The following ALG1 variants were observed in gnomAD, a reference collection of about 807,000 sequenced individuals.
The protein encoded by ALG1 is ALG1 chitobiosyldiphosphodolichol beta-mannosyltransferase, also known as chitobiosyldiphosphodolichol beta-mannosyltransferase.
A neutral mutation model predicts 55.1 loss-of-function variants in ALG1; 58 were observed. The ratio of observed to expected loss-of-function variants is 1.05; its 90% confidence interval spans 0.85 to 1.31. ALG1 has a LOEUF of 1.31. Ranked by LOEUF, ALG1 falls within the 50% of genes most tolerant of loss-of-function variation. ALG1 has a pLI of 0.00. For missense variants in ALG1, 761 were observed against 598.6 expected, an observed-to-expected ratio of 1.27 and a Z score of -2.83; for synonymous variants, 309 against 247.0, an observed-to-expected ratio of 1.25 and a Z score of -2.35.
chr16:5,083,548 C>G, intron 11 of ALG1, 134 bp from the exon 12 acceptor site: 1 of 1,534,710 alleles, frequency 6.5e-7, no homozygotes, highest in Non-Finnish European at 8.7e-7. Context: ...AGAACCAGCT[C>G]CCGGAAACCA....
intron 4 of ALG1, 41 bp from the exon 5 acceptor site, chr16:5,077,404 G>T: frequency 6.5e-7 from 1 of 1,533,416 alleles, no homozygotes; most frequent in Non-Finnish European, 9.0e-7. Flanking sequence ...GGTAGCGGAG[G>T]CCTGTCTAGG....
intron 3 of ALG1, 69 bp from the exon 4 acceptor site, chr16:5,075,319 C>G (rs34920124): frequency 2.0e-6 from 3 of 1,531,022 alleles, no homozygotes; most frequent in East Asian, 2.2e-5. Flanking sequence ...TGTGTTGTGA[C>G]TATTTTTACT....
intron 4 of ALG1, among the ~76,000 whole-genome samples, chr16:5,076,956 G>T (rs1272521600): frequency 6.6e-6 from 1 of 151,926 alleles, no homozygotes; most frequent in Non-Finnish European, 1.5e-5. Context: ...CACCACGCCT[G>T]GCTAATTTTT....
intron 4 of ALG1, 89 bp downstream of exon 4, chr16:5,075,625 G>A (rs542701945): frequency 3.0e-5 from 45 of 1,519,316 alleles, no homozygotes; most frequent in East Asian, 4.5e-5. Flanking sequence ...TCCGGAAGTC[G>A]GTTCCTTGTG....
intron 4 of ALG1, among the ~76,000 whole-genome samples, chr16:5,076,479 G>C (rs1956916155): frequency 6.6e-6 from 1 of 152,256 alleles, no homozygotes; most frequent in African/African-American, 2.4e-5. Flanking sequence ...CTGAGGCTGA[G>C]AACGATTATG....
rs749328532 is a variant in ALG1, at chr16:5,078,737, CTTT to C, written c.741-15_741-13del. 1 of 1,612,498 alleles carries C rather than the reference CTTT, an allele frequency of 6.2e-7. No homozygotes were observed. Among genetic ancestry groups the C allele is most frequent in the Non-Finnish European group, 8.5e-7 (1 of 1,179,796 alleles). ...GGCCTGCTCTATGGCCTCTCACAGG[CTTT>C]TTTTCTGCTCCTTCAGCTCAGAACC... On this transcript the variant is annotated splice_polypyrimidine_tract_variant and intron_variant, in intron 6 of 12. Transcript: ENST00000262374.
At position 5,085,659 on chromosome 16, in the gene ALG1, C is replaced by T. The variant is rs751858067; in HGVS notation, c.*778C>T. 2.5e-6 allele frequency: 4 copies of T among 1,611,346 alleles called. No individual in the cohort carries two copies. In the African/African-American group the frequency reaches 5.3e-5, roughly 22 times the overall value. ...ACAGGGTGAGATTCAGCATTGCCATCTCCAAGTGCTCTTCGTAGGGAAACA... is the reference window on the plus strand; with the variant it reads ...ACAGGGTGAGATTCAGCATTGCCATTTCCAAGTGCTCTTCGTAGGGAAACA... On this transcript the variant is annotated 3_prime_UTR_variant, in exon 13 of 13. Transcript: ENST00000262374.
At chr16:5,073,278 C>T (rs768281881) in intron 3 of ALG1, 22 bp downstream of exon 3, 31 of 1,601,412 alleles carry the variant, frequency 1.9e-5, no homozygotes, top group East Asian at 2.2e-5. Context: ...CCTCTGCCTC[C>T]CTCTGTGAGA....
At chr16:5,077,360 T>C (rs537195780) in intron 4 of ALG1, 85 bp from the exon 5 acceptor site, 61 of 1,237,854 alleles carry the variant, frequency 4.9e-5, no homozygotes, top group Admixed American at 3.0e-4. Context: ...CTGCGGCCTT[T>C]TCTCTGTTGA....
chr16:5,077,735 T>G (rs1300618044), intron 5 of ALG1, among the ~76,000 whole-genome samples, 172 bp from the exon 6 acceptor site: 2 of 152,162 alleles, frequency 1.3e-5, no homozygotes, highest in Non-Finnish European at 2.9e-5. Context: ...TCCAGGCAGT[T>G]TTGGTCCTAG....
chr16:5,072,833 G>A, intron 1 of ALG1, 118 bp from the exon 2 acceptor site: 1 of 960,104 alleles, frequency 1.0e-6, no homozygotes. Context: ...GGAGCAGAGA[G>A]AGGTTTTGAA....
chr16:5,079,307 G>T (rs1407018029), intron 8 of ALG1, among the ~76,000 whole-genome samples: 1 of 152,192 alleles, frequency 6.6e-6, no homozygotes, highest in Non-Finnish European at 1.5e-5. Flanking sequence ...CCCCCTCCAG[G>T]AGAGTATCTC....
In ALG1 at chr16:5,072,076, G is replaced by GTCT. The variant is rs397754659; in HGVS notation, c.208+19_208+20insTCT. On this transcript the variant is annotated intron_variant, in intron 1 of 12. Transcript: ENST00000262374. ...TTCTGCAGTGAGTGGCCAAGGGTCT[G>GTCT]GGAGGGACGATGCTCTCTCAGCCGT... The GTCT allele has an allele frequency of 9.6e-6, 15 of 1,558,206 alleles. No individual in the cohort carries two copies. Among genetic ancestry groups the GTCT allele is most frequent in the East Asian group, 2.4e-5 (1 of 41,624 alleles).
At chr16:5,078,435 C>G (rs1956954787) in intron 6 of ALG1, 1 of 610,416 alleles carries the variant, frequency 1.6e-6, no homozygotes, top group Non-Finnish European at 3.0e-6. Context: ...TCTACGCACC[C>G]TGAGGTGTGC....
chr16:5,072,273 A>C, intron 1 of ALG1: 1 of 1,453,354 alleles, frequency 6.9e-7, no homozygotes, highest in South Asian at 1.4e-5. Context: ...TGTTAAGTGA[A>C]TCCATTGCGT....
intron 12 of ALG1, chr16:5,084,524 G>C (rs1422657071): frequency 1.4e-6 from 1 of 717,330 alleles, no homozygotes; most frequent in African/African-American, 1.8e-5. Flanking sequence ...GTGCTCCAGG[G>C]CACCAAGTGT....
intron 3 of ALG1, 87 bp downstream of exon 3, chr16:5,073,343 ATG>A: frequency 2.5e-5 from 30 of 1,208,114 alleles, no homozygotes; most frequent in Non-Finnish European, 3.3e-5. Flanking sequence ...GCATATTCAT[ATG>A]TGTGTGTGTT....
intron 1 of ALG1, 200 bp downstream of exon 1, chr16:5,072,257 G>C (rs1956829526): frequency 7.4e-6 from 11 of 1,485,500 alleles, no homozygotes; most frequent in Non-Finnish European, 6.2e-6. Flanking sequence ...CCACGTGTCA[G>C]AAGTGTGTTA....
intron 1 of ALG1, among the ~76,000 whole-genome samples, chr16:5,072,703 C>T (rs924658277): frequency 6.6e-6 from 1 of 152,234 alleles, no homozygotes; most frequent in African/African-American, 2.4e-5. Flanking sequence ...TTTAATTGAG[C>T]ACCTACTGTT....
Sources: gnomAD v4.1 joint callset for allele counts (sites outside exome capture counted in the v4.1 genomes callset) on GRCh38, gnomAD v4.1.1 for gene constraint, MANE v1.5 for transcripts, NCBI Gene and HGNC (gene_info 2026-07-23, HGNC 2026-07-21) for gene names.